CXCL6: variants seen among roughly 807,000 people sequenced by gnomAD.
CXCL6 encodes the protein C-X-C motif chemokine ligand 6.
In CXCL6, 18 loss-of-function variants were observed where a neutral mutation model predicts 10.5. The ratio of observed to expected loss-of-function variants is 1.71; its 90% CI spans 1.18 to 2.54. CXCL6 has a LOEUF of 2.54. Ranked by LOEUF, CXCL6 falls within the 30% of genes most tolerant of loss-of-function variation. CXCL6 has a pLI of 0.00. For missense variants in CXCL6, 171 were observed against 145.7 expected, an observed-to-expected ratio of 1.17 and a Z score of -0.90; for synonymous variants, 82 against 68.3, an observed-to-expected ratio of 1.20 and a Z score of -0.99.
In CXCL6 at chr4:73,837,736, T is replaced by C. The variant is rs537045543; in HGVS notation, c.*95T>C. 119 of 1,113,018 alleles carry C rather than the reference T, an allele frequency of 1.1e-4. No homozygotes were observed. In the African/African-American group the frequency reaches 1.9e-3, roughly 17 times the overall value. 68.9% of individuals were successfully genotyped at this position (1,113,018 alleles called of 1,614,324 possible). On this transcript the variant is annotated 3_prime_UTR_variant, in exon 4 of 4. Transcript: ENST00000226317. ...ACCCAGTAAGAATAAGAAGGAAGGG[T>C]TGGTTTTTTTCCATTTTCTACATGG...
At position 73,837,618 on chromosome 4, in the gene CXCL6, A is replaced by G; in HGVS notation, c.327-5A>G. 6.4e-7 allele frequency: 1 copy of G among 1,558,162 alleles called. No individual in the cohort carries two copies. The highest frequency in any genetic ancestry group is 8.6e-7 in the Non-Finnish European group (1 of 1,164,048). On this transcript the variant is annotated splice_region_variant and splice_polypyrimidine_tract_variant and intron_variant, in intron 3 of 3. Transcript: ENST00000226317. ...GTTATACTAATATAACTCTTTTCTCAACAGTGGAAACAAGAAAAACTGAGT... is the reference window on the plus strand; with the variant it reads ...GTTATACTAATATAACTCTTTTCTCGACAGTGGAAACAAGAAAAACTGAGT...
intron 1 of CXCL6, 25 bp from the exon 2 acceptor site, chr4:73,836,939 C>CT (rs754295335): frequency 6.2e-7 from 1 of 1,603,640 alleles, no homozygotes; most frequent in Non-Finnish European, 8.5e-7. Flanking sequence ...GCAACCTGCC[C>CT]TATAAAAATG....
Position 73,838,015 on chromosome 4 carries a change from T to A in CXCL6, c.*374T>A, listed in dbSNP as rs895718122. On this transcript the variant is annotated 3_prime_UTR_variant, in exon 4 of 4. Coordinates refer to ENST00000226317, the MANE Select transcript of CXCL6 (RefSeq NM_002993.4). ...AAAGTCTTACCGAAAAGGCTGTGGA[T>A]TTCGTATGGAAATAATGTTTTATTA... 5.9e-6 allele frequency: 1 copy of A among 169,632 alleles called. No homozygotes were observed. Among genetic ancestry groups the A allele is most frequent in the African/African-American group, 2.4e-5 (1 of 42,184 alleles). The allele number at this position is 169,632 out of a possible 1,614,324, so 10.5% of individuals were successfully genotyped here.
chr4:73,837,796 C>T lies in CXCL6; in HGVS notation c.*155C>T, dbSNP rs113807832. On this transcript the variant is annotated 3_prime_UTR_variant, in exon 4 of 4. Coordinates refer to ENST00000226317, the MANE Select transcript of CXCL6 (RefSeq NM_002993.4). ...TTTGAAGAGTGTGGGGGAAAGCCTA[C>T]GCTTCTCCCTGAAGTTTACAGCTCA... 210 of 541,902 alleles carry T rather than the reference C, an allele frequency of 3.9e-4. No individual in the cohort carries two copies. Among genetic ancestry groups the T allele is most frequent in the African/African-American group, 3.5e-3 (177 of 50,510 alleles). 33.6% of individuals were successfully genotyped at this position (541,902 alleles called of 1,614,324 possible). A position where few individuals can be genotyped will look rare whatever the true frequency, so the allele number is the denominator to read the frequency against.
chr4:73,836,758 TC>T lies in CXCL6; in HGVS notation c.11del (p.Pro4ArgfsTer25), dbSNP rs770527395. On this transcript the variant is annotated frameshift_variant, in exon 1 of 4. Coordinates refer to ENST00000226317, the MANE Select transcript of CXCL6 (RefSeq NM_002993.4). LOFTEE classifies it high-confidence loss of function. ...AACCCTCTCTTGACCACTATGAGCCTCCCGTCCAGCCGCGCGGCCCGTGTCC... is the reference window on the plus strand; with the variant it reads ...AACCCTCTCTTGACCACTATGAGCCTCCGTCCAGCCGCGCGGCCCGTGTCC... MSLPSSRAARVPG... is the reference protein window; with the variant it reads MSXPSSRAARVPG... 1 of 1,609,780 alleles carries T rather than the reference TC, an allele frequency of 6.2e-7. No individual in the cohort carries two copies. The highest frequency in any genetic ancestry group is 1.3e-5 in the African/African-American group (1 of 74,900).
chr4:73,836,804 G>C lies in CXCL6; in HGVS notation c.54G>C (p.Leu18Phe), dbSNP rs764229919. Residue 18 changes from leucine to phenylalanine, a missense_variant, in exon 1 of 4, where the codon TTG becomes TTC. Physicochemically the swap from Leu to Phe is conservative, Grantham distance 22. Coordinates refer to ENST00000226317, the MANE Select transcript of CXCL6 (RefSeq NM_002993.4). ...AARVPGPSGS[L>F]CALLALLLLL... ...GTGTCCCGGGTCCTTCGGGCTCCTT[G>C]TGCGCGCTGCTCGCGCTGCTGCTCC... is the stretch of plus-strand genomic sequence containing the variant. The C allele has an allele frequency of 6.2e-7, 1 of 1,612,152 alleles. No homozygotes were observed. Among genetic ancestry groups the C allele is most frequent in the Admixed American group, 1.7e-5 (1 of 59,898 alleles).
In CXCL6 at chr4:73,837,621, A is replaced by T. The variant is rs1175284353; in HGVS notation, c.327-2A>T. 3 of 1,557,596 alleles carry T rather than the reference A, an allele frequency of 1.9e-6. No individual in the cohort carries two copies. The highest frequency in any genetic ancestry group is 4.8e-5 in the Admixed American group (2 of 41,714). On this transcript the variant is annotated splice_acceptor_variant, in intron 3 of 3. Coordinates refer to ENST00000226317, the MANE Select transcript of CXCL6 (RefSeq NM_002993.4). LOFTEE classifies it high-confidence loss of function. ...ATACTAATATAACTCTTTTCTCAAC[A>T]GTGGAAACAAGAAAAACTGAGTAAC... is the stretch of plus-strand genomic sequence containing the variant.
intron 3 of CXCL6, 139 bp downstream of exon 3, chr4:73,837,425 T>A: frequency 1.0e-6 from 1 of 973,802 alleles, no homozygotes; most frequent in East Asian, 2.6e-5. Context: ...GAAACTTTTT[T>A]TCTGGAATGT....
chr4:73,838,096 G>C lies in CXCL6; in HGVS notation c.*455G>C, dbSNP rs116018952. The C allele has an allele frequency of 0.011, 1,699 of 153,234 alleles. 17 individuals are homozygous for C. Among genetic ancestry groups the C allele is most frequent in the Non-Finnish European group, 0.018 (1,256 of 68,708 alleles). 9.5% of individuals were successfully genotyped at this position (153,234 alleles called of 1,614,324 possible). On this transcript the variant is annotated 3_prime_UTR_variant, in exon 4 of 4. Coordinates refer to ENST00000226317, the MANE Select transcript of CXCL6 (RefSeq NM_002993.4). ...CTTACTCACTCTTCTCATAAAATAG[G>C]AAATATTTTAGTTCTGTTTCTTGGG... is the stretch of plus-strand genomic sequence containing the variant.
Position 73,837,751 on chromosome 4 carries a change from T to A in CXCL6, c.*110T>A. On this transcript the variant is annotated 3_prime_UTR_variant, in exon 4 of 4. Coordinates refer to ENST00000226317, the MANE Select transcript of CXCL6 (RefSeq NM_002993.4). ...GAAGGAAGGGTTGGTTTTTTTCCAT[T>A]TTCTACATGGATTCCCTACTTTGAA... The A allele has an allele frequency of 1.2e-6, 1 of 868,512 alleles. No homozygotes were observed. Among genetic ancestry groups the A allele is most frequent in the South Asian group, 2.1e-5 (1 of 47,156 alleles). 53.8% of individuals were successfully genotyped at this position (868,512 alleles called of 1,614,324 possible).
Position 73,836,747 on chromosome 4 carries a change from C to T in CXCL6, c.-4C>T. 1.2e-6 allele frequency: 2 copies of T among 1,607,758 alleles called. No individual in the cohort carries two copies. Among genetic ancestry groups the T allele is most frequent in the Non-Finnish European group, 1.7e-6 (2 of 1,177,666 alleles). ...AGGAACCCGCGAACCCTCTCTTGAC[C>T]ACTATGAGCCTCCCGTCCAGCCGCG... On this transcript the variant is annotated 5_prime_UTR_variant, in exon 1 of 4. Transcript: ENST00000226317.
intron 3 of CXCL6, 131 bp downstream of exon 3, chr4:73,837,417 A>C: frequency 9.3e-7 from 1 of 1,079,662 alleles, no homozygotes; most frequent in Non-Finnish European, 1.4e-6. Context: ...AGAATAAGGA[A>C]ACTTTTTTTC....
At position 73,837,304 on chromosome 4, in the gene CXCL6, C is replaced by A. The variant is rs1306906675; in HGVS notation, c.326+18C>A. The A allele has an allele frequency of 6.3e-7, 1 of 1,598,602 alleles. No individual in the cohort carries two copies. Among genetic ancestry groups the A allele is most frequent in the Non-Finnish European group, 8.6e-7 (1 of 1,165,990 alleles). On this transcript the variant is annotated intron_variant, in intron 3 of 3. Coordinates refer to ENST00000226317, the MANE Select transcript of CXCL6 (RefSeq NM_002993.4). ...TTGGACAGGTATTTGTCCCTTTGAT[C>A]TTTGTGGTGTTTTAATATCTTCTAT...
rs927297625 is a variant in CXCL6 at position 73,838,532 on chromosome 4, C to T, written c.*891C>T. ...TGAAAGTTTTGAAAATATATTTGAACAATTTGAATATAAATTCATCATTTA... is the reference window on the plus strand; with the variant it reads ...TGAAAGTTTTGAAAATATATTTGAATAATTTGAATATAAATTCATCATTTA... On this transcript the variant is annotated 3_prime_UTR_variant, in exon 4 of 4. Coordinates refer to ENST00000226317, the MANE Select transcript of CXCL6 (RefSeq NM_002993.4). 4.6e-5 allele frequency: 7 copies of T among 152,578 alleles called. No individual in the cohort carries two copies. The highest frequency in any genetic ancestry group is 3.9e-4 in the Admixed American group (6 of 15,280). 9.5% of individuals were successfully genotyped at this position (152,578 alleles called of 1,614,324 possible). A position where few individuals can be genotyped will look rare whatever the true frequency, so the allele number is the denominator to read the frequency against.
In CXCL6 at chr4:73,837,948, T is replaced by C; in HGVS notation, c.*307T>C. The C allele has an allele frequency of 3.7e-6, 1 of 271,832 alleles. No homozygotes were observed. The highest frequency in any genetic ancestry group is 5.3e-5 in the Admixed American group (1 of 18,986). 16.8% of individuals were successfully genotyped at this position (271,832 alleles called of 1,614,324 possible). On this transcript the variant is annotated 3_prime_UTR_variant, in exon 4 of 4. Transcript: ENST00000226317. ...CTGGTTATTAGTCTTTCAATGAATA[T>C]TGAATTGAAGATAACTATTGTATTT...
intron 3 of CXCL6, 42 bp downstream of exon 3, chr4:73,837,328 A>T: frequency 6.7e-7 from 1 of 1,487,864 alleles, no homozygotes. Context: ...AATATCTTCT[A>T]TGGAAAGCAT....
In CXCL6 at chr4:73,837,055, G is replaced by A; in HGVS notation, c.201G>A (p.Gln67=). 1.9e-6 allele frequency: 3 copies of A among 1,613,956 alleles called. No homozygotes were observed. The highest frequency in any genetic ancestry group is 1.1e-5 in the South Asian group (1 of 91,044). Reference sequence around the variant, plus strand: ...ACCCCAAAACGATTGGTAAACTGCAGGTGTTCCCCGCAGGCCCGCAGTGCT... The same window carrying A: ...ACCCCAAAACGATTGGTAAACTGCAAGTGTTCCCCGCAGGCCCGCAGTGCT... ...RVNPKTIGKL[Q]VFPAGPQCSK... Residue 67 remains glutamine, a synonymous_variant, in exon 2 of 4, where the codon CAG becomes CAA. Transcript: ENST00000226317.
In CXCL6 at chr4:73,837,007, T is replaced by C; in HGVS notation, c.153T>C (p.Cys51=). 1 of 1,613,432 alleles carries C rather than the reference T, an allele frequency of 6.2e-7. No individual in the cohort carries two copies. Among genetic ancestry groups the C allele is most frequent in the Non-Finnish European group, 8.5e-7 (1 of 1,179,682 alleles). The change falls in exon 2 of 4, where the codon TGT becomes TGC. Residue 51 remains cysteine (C), a synonymous_variant. Coordinates refer to ENST00000226317, the MANE Select transcript of CXCL6 (RefSeq NM_002993.4). ...SAVLTELRCT[C]LRVTLRVNPK... is the part of the protein sequence containing the mutation. ...TGCTGACAGAGCTGCGTTGCACTTG[T>C]TTACGCGTTACGCTGAGAGTAAACC...
chr4:73,837,646 CAA>C lies in CXCL6; in HGVS notation c.*10_*11del. The stretch of plus-strand genomic sequence containing the variant: ...AGTGGAAACAAGAAAAACTGAGTAA[CAA>C]AAAAGACCATGCATCATAAAATTGC... On this transcript the variant is annotated 3_prime_UTR_variant, in exon 4 of 4. Coordinates refer to ENST00000226317, the MANE Select transcript of CXCL6 (RefSeq NM_002993.4). 1 of 1,551,962 alleles carries C rather than the reference CAA, an allele frequency of 6.4e-7. No homozygotes were observed. Among genetic ancestry groups the C allele is most frequent in the Non-Finnish European group, 8.6e-7 (1 of 1,161,380 alleles).
Sources: allele counts gnomAD v4.1 joint callset, GRCh38; gene constraint gnomAD v4.1.1; transcripts MANE v1.5; gene names NCBI Gene and HGNC (gene_info 2026-07-23, HGNC 2026-07-21).